TPGS2: variants seen among roughly 807,000 people sequenced by gnomAD.
TPGS2 encodes the protein polyglutamylase subunit 2.
A neutral mutation model predicts 31.1 loss-of-function variants in TPGS2; 26 were observed. The observed-to-expected ratio is 0.84, with a 90% CI of 0.61 to 1.16. The LOEUF is 1.16. Among genes scored for constraint, TPGS2 ranks in the 50% most tolerant of loss-of-function variants. The pLI, the probability that TPGS2 is intolerant of heterozygous loss-of-function variation, is 0.00. For missense variants in TPGS2, 351 were observed against 363.8 expected (o/e 0.96, Z 0.29); for synonymous variants, 130 against 136.6 (o/e 0.95, Z 0.34).
chr18:36,781,364 C>T (rs538369011), downstream of TPGS2, among the ~76,000 whole-genome samples: 1 of 152,150 alleles, frequency 6.6e-6, no homozygotes, highest in South Asian at 2.1e-4. Context: ...ACTTTTAAAA[C>T]CTCTGTAGGC....
intron 2 of TPGS2, among the ~76,000 whole-genome samples, chr18:36,810,062 G>A (rs941416152): frequency 1.2e-4 from 18 of 151,972 alleles, no homozygotes; most frequent in African/African-American, 4.4e-4. Context: ...AAATATTCAA[G>A]TAAACCAAAT....
intron 4 of TPGS2, 136 bp from the exon 5 acceptor site, chr18:36,800,447 A>T: frequency 1.4e-6 from 1 of 725,060 alleles, no homozygotes; most frequent in Non-Finnish European, 2.4e-6. Flanking sequence ...GTATTTACAA[A>T]TAAATTCTGT....
chr18:36,782,119 G>C (rs770203784), downstream of TPGS2, among the ~76,000 whole-genome samples: 6 of 152,194 alleles, frequency 3.9e-5, no homozygotes, highest in African/African-American at 1.4e-4. Context: ...TTGTCACACT[G>C]TTTAGTGAAC....
chr18:36,817,928 T>C (rs1017059731), intron 2 of TPGS2, among the ~76,000 whole-genome samples: 1 of 152,246 alleles, frequency 6.6e-6, no homozygotes, highest in African/African-American at 2.4e-5. Flanking sequence ...ACAGCCACAG[T>C]GGTCCTTTCA....
In TPGS2 at chr18:36,786,883, G is replaced by A. The variant is rs893684600; in HGVS notation, c.658-3752C>T. 9 of 1,234,198 alleles carry A rather than the reference G, an allele frequency of 7.3e-6. No homozygotes were observed. The African/African-American group carries it at 7.8e-5, about 11-fold the overall frequency. 76.5% of individuals were successfully genotyped at this position (1,234,198 alleles called of 1,614,324 possible). A position where few individuals can be genotyped will look rare whatever the true frequency, so the allele number is the denominator to read the frequency against. On this transcript the variant is annotated intron_variant, in intron 6 of 6. Coordinates refer to the TPGS2 transcript ENST00000587129. The stretch of plus-strand genomic sequence containing the variant: ...CTTGCCATAACTGAGGAATGATTGC[G>A]ACACTGTTGTTCCCATGCTGTTGGA...
downstream of TPGS2, among the ~76,000 whole-genome samples, chr18:36,780,918 A>C (rs1250540945): frequency 6.6e-6 from 1 of 152,214 alleles, no homozygotes; most frequent in Non-Finnish European, 1.5e-5. Context: ...CTGGCAGCAT[A>C]AATTGTTTAC....
At position 36,828,975 on chromosome 18, in the gene TPGS2, C is replaced by A; in HGVS notation, c.-208G>T. On this transcript the variant is annotated 5_prime_UTR_variant, in exon 1 of 7. Transcript: ENST00000334295. ...CGGCCCCGCCCGGTGCCCCACACCG[C>A]ACCTCCGGGACGTAGCTTCCCCTTC... 1 of 1,045,434 alleles carries A rather than the reference C, an allele frequency of 9.6e-7. No individual in the cohort carries two copies. Among genetic ancestry groups the A allele is most frequent in the Non-Finnish European group, 1.3e-6 (1 of 758,748 alleles). 64.8% of individuals were successfully genotyped at this position (1,045,434 alleles called of 1,614,324 possible).
chr18:36,798,113 AG>A, intron 6 of TPGS2: 1 of 1,096,372 alleles, frequency 9.1e-7, no homozygotes, highest in Non-Finnish European at 1.1e-6. Context: ...CTTGGAGAAC[AG>A]GGGAGTGAGA....
Position 36,800,258 on chromosome 18 carries a change from C to A in TPGS2, c.436G>T (p.Glu146Ter). Residue 146 changes from glutamate (E) to a stop codon, truncating the protein, a stop_gained, in exon 5 of 7, where the codon GAG becomes TAG. Coordinates refer to ENST00000334295, the MANE Select transcript of TPGS2 (RefSeq NM_015476.4). LOFTEE classifies it high-confidence loss of function. ...PHFDSRSVIF[E>*]LDSCNGSGKV... ...CCACTGCCATTGCATGAATCCAGCT[C>A]AAATATCACACTGCGAGAGTCAAAG... 6.2e-7 allele frequency: 1 copy of A among 1,614,136 alleles called. No homozygotes were observed. Among genetic ancestry groups the A allele is most frequent in the Non-Finnish European group, 8.5e-7 (1 of 1,180,008 alleles).
At chr18:36,783,373 G>T (rs563565080) in intron 6 of TPGS2, among the ~76,000 whole-genome samples, 2 of 152,254 alleles carry the variant, frequency 1.3e-5, no homozygotes, top group East Asian at 3.9e-4. Flanking sequence ...TACCATAGGT[G>T]TTCTTGCCCC....
At chr18:36,803,939 A>C (rs1478622438) in intron 4 of TPGS2, among the ~76,000 whole-genome samples, 1 of 151,638 alleles carries the variant, frequency 6.6e-6, no homozygotes, top group Non-Finnish European at 1.5e-5. Flanking sequence ...CCCAGGCTAG[A>C]GTGTGGTGGC....
At chr18:36,804,996 C>T (rs1259762492) in intron 4 of TPGS2, among the ~76,000 whole-genome samples, 2 of 152,142 alleles carry the variant, frequency 1.3e-5, no homozygotes, top group South Asian at 2.1e-4. Flanking sequence ...TCTCAAGCAG[C>T]GACATCAGCC....
rs1282329937 is a variant in TPGS2, at chr18:36,794,222, A to T, written c.*2583T>A. ...GAAAGGAAAAACATTACATTTTAGT[A>T]CCTGTAAAGGTAATGTTTTCCTGCT... On this transcript the variant is annotated 3_prime_UTR_variant, in exon 7 of 7. Transcript: ENST00000334295. 3.8e-5 allele frequency: 35 copies of T among 925,486 alleles called. No individual in the cohort carries two copies. Among genetic ancestry groups the T allele is most frequent in the Non-Finnish European group, 4.3e-5 (33 of 775,494 alleles). 57.3% of individuals were successfully genotyped at this position (925,486 alleles called of 1,614,324 possible).
chr18:36,815,999 T>C (rs535599854), intron 2 of TPGS2, among the ~76,000 whole-genome samples: 5 of 152,314 alleles, frequency 3.3e-5, no homozygotes, highest in African/African-American at 1.2e-4. Flanking sequence ...TTTGTTTGTA[T>C]ATTAGATTTG....
intron 6 of TPGS2, 108 bp from the exon 7 acceptor site, chr18:36,797,158 T>C (rs2044569585): frequency 6.5e-7 from 1 of 1,548,720 alleles, no homozygotes; most frequent in Non-Finnish European, 8.6e-7. Context: ...CAGAGGTACA[T>C]TTTCATGAAA....
At chr18:36,784,912 G>T (rs1451109010) in intron 6 of TPGS2, among the ~76,000 whole-genome samples, 1 of 152,072 alleles carries the variant, frequency 6.6e-6, no homozygotes, top group Non-Finnish European at 1.5e-5. Context: ...AGTCTGACTG[G>T]GCTGACTGAC....
At chr18:36,797,502 G>A (rs1055012081) in intron 6 of TPGS2, among the ~76,000 whole-genome samples, 5 of 145,360 alleles carry the variant, frequency 3.4e-5, no homozygotes, top group African/African-American at 1.3e-4. Context: ...TCTTGTTGGT[G>A]TTCTGTTTCC....
At chr18:36,807,995 G>T in intron 2 of TPGS2, 61 bp from the exon 3 acceptor site, 1 of 1,538,040 alleles carries the variant, frequency 6.5e-7, no homozygotes, top group Non-Finnish European at 9.0e-7. Context: ...CAGGGCTATG[G>T]CTTAAGGCAC....
At chr18:36,823,762 C>G (rs2046010069) in intron 1 of TPGS2, 1 of 950,650 alleles carries the variant, frequency 1.1e-6, no homozygotes, top group Non-Finnish European at 1.3e-6. Flanking sequence ...GCCCGGCCAA[C>G]AGCTTGTTTT....
Sources: gnomAD v4.1 joint callset for allele counts (sites outside exome capture counted in the v4.1 genomes callset) on GRCh38, gnomAD v4.1.1 for gene constraint, MANE v1.5 for transcripts, NCBI Gene and HGNC (gene_info 2026-07-23, HGNC 2026-07-21) for gene names.